ENPP1: variants seen among roughly 807,000 people sequenced by gnomAD.
The protein encoded by ENPP1 is ectonucleotide pyrophosphatase/phosphodiesterase family member 1.
A neutral mutation model predicts 122.8 loss-of-function variants in ENPP1; 73 were observed. That is an observed-to-expected ratio of 0.59 (90% CI 0.49 to 0.72). The LOEUF (loss-of-function observed/expected upper bound fraction) is 0.72, where lower values mean the gene tolerates loss of function less well. Ranked by LOEUF, ENPP1 falls within the 30% of genes least tolerant of loss-of-function variation. ENPP1 has a pLI of 0.00. For missense variants in ENPP1, 978 were observed against 1,128.1 expected (o/e 0.87, Z 1.91); for synonymous variants, 367 against 391.6 (o/e 0.94, Z 0.74).
chr6:131,890,198 AGAT>A, intron 24 of ENPP1, 140 bp from the exon 25 acceptor site: 1 of 711,104 alleles, frequency 1.4e-6, no homozygotes, highest in Non-Finnish European at 2.6e-6. Flanking sequence ...TCAAGAGGAG[AGAT>A]GATGCCTAAC....
intron 1 of ENPP1, among the ~76,000 whole-genome samples, chr6:131,822,396 G>A (rs936932620): frequency 2.0e-5 from 3 of 152,014 alleles, no homozygotes; most frequent in African/African-American, 7.3e-5. Context: ...ATGAGGAGTT[G>A]GATTAGATGG....
intron 18 of ENPP1, chr6:131,877,869 ATATATAT>A (rs1782254877): frequency 1.9e-4 from 10 of 52,852 alleles, no homozygotes; most frequent in South Asian, 7.3e-4. Context: ...AAAAAAAAAT[ATATATAT>A]ATATATATAT....
chr6:131,828,205 T>C (rs1781569247), intron 1 of ENPP1: 1 of 569,894 alleles, frequency 1.8e-6, no homozygotes, highest in Non-Finnish European at 3.4e-6. Flanking sequence ...GCTTTCAGGA[T>C]GTTCCAAGGC....
chr6:131,851,078 T>C, intron 3 of ENPP1, 64 bp from the exon 4 acceptor site: 1 of 1,576,734 alleles, frequency 6.3e-7, no homozygotes, highest in Non-Finnish European at 8.7e-7. Flanking sequence ...ACAGCAATTC[T>C]GTGTTCACTT....
intron 1 of ENPP1, chr6:131,820,183 A>G (rs1436464447): frequency 3.9e-6 from 1 of 256,936 alleles, no homozygotes; most frequent in Non-Finnish European, 7.6e-6. Context: ...AAGAATGTCC[A>G]TAATCATCTG....
intron 1 of ENPP1, chr6:131,827,068 G>A: frequency 1.6e-6 from 1 of 613,216 alleles, no homozygotes; most frequent in Non-Finnish European, 3.1e-6. Flanking sequence ...TTCACCTCCA[G>A]GGTCTGCTCC....
intron 1 of ENPP1, among the ~76,000 whole-genome samples, chr6:131,831,114 CA>C (rs3036850): frequency 1.9e-3 from 116 of 60,002 alleles, no homozygotes; most frequent in Non-Finnish European, 2.5e-3. Flanking sequence ...GCCCATCTCT[CA>C]AAAAAAAAAA....
intron 20 of ENPP1, 96 bp downstream of exon 20, chr6:131,880,130 T>C (rs1398214326): frequency 7.9e-7 from 1 of 1,267,868 alleles, no homozygotes; most frequent in Non-Finnish European, 1.2e-6. Context: ...CTTGGCTTTA[T>C]ACTCAGTTCC....
intron 12 of ENPP1, 120 bp from the exon 13 acceptor site, chr6:131,869,238 A>C: frequency 1.1e-6 from 1 of 893,878 alleles, no homozygotes; most frequent in South Asian, 1.4e-5. Flanking sequence ...ATCTTCAACT[A>C]ATATGAGTGC....
At chr6:131,842,642 G>A (rs572946194) in intron 1 of ENPP1, among the ~76,000 whole-genome samples, 2 of 152,034 alleles carry the variant, frequency 1.3e-5, no homozygotes, top group Non-Finnish European at 2.9e-5. Flanking sequence ...TCTCCACTGT[G>A]TTGTTAGTAT....
rs145643231 is a variant in ENPP1 at position 131,866,380 on chromosome 6, C to A, written c.1164+1442C>A. The stretch of plus-strand genomic sequence containing the variant: ...CAGACTAAAGCCTGGCCTGACATGT[C>A]TGTCATGGTCCCTGTTTTTGAGGGT... On this transcript the variant is annotated intron_variant, in intron 11 of 24. Transcript: ENST00000647893. 4.3e-3 allele frequency among the ~76,000 whole-genome samples: 661 copies of A among 152,328 alleles called. 9 individuals carry two copies. Among genetic ancestry groups the A allele is most frequent in the Admixed American group, 0.025 (389 of 15,310 alleles).
chr6:131,827,800 A>G, intron 1 of ENPP1: 1 of 969,588 alleles, frequency 1.0e-6, no homozygotes, highest in Non-Finnish European at 1.7e-6. Flanking sequence ...CAGGTGGGGC[A>G]ATGACTGCTT....
chr6:131,872,058 G>A lies in ENPP1; in HGVS notation c.1406-12G>A. The A allele has an allele frequency of 6.4e-7, 1 of 1,566,946 alleles. No homozygotes were observed. Among genetic ancestry groups the A allele is most frequent in the Non-Finnish European group, 8.8e-7 (1 of 1,140,488 alleles). On this transcript the variant is annotated splice_polypyrimidine_tract_variant and intron_variant, in intron 13 of 24. Transcript: ENST00000647893. The stretch of plus-strand genomic sequence containing the variant: ...CAATCAACTATTAATTCTTATGTTT[G>A]TTCCCCTCCAGTTAACTATGAAGGC...
intron 1 of ENPP1, among the ~76,000 whole-genome samples, chr6:131,812,517 T>C (rs1159166453): frequency 7.2e-5 from 11 of 152,216 alleles, no homozygotes; most frequent in Non-Finnish European, 1.6e-4. Flanking sequence ...CCTTAATTAA[T>C]TTAGAATTTT....
Position 131,875,838 on chromosome 6 carries a change from C to T in ENPP1, c.1698C>T (p.Asn566=), listed in dbSNP as rs1782224941. The T allele has an allele frequency of 6.2e-7, 1 of 1,613,658 alleles. No individual in the cohort carries two copies. The highest frequency in any genetic ancestry group is 1.7e-5 in the Admixed American group (1 of 59,988). ...KHGIEADTFE[N]IEVYNLMCDL... ...GCATTGAGGCTGACACCTTTGAAAA[C>T]ATTGAAGTCTATAACTTAATGTGTG... Residue 566 remains asparagine (N), a synonymous_variant, in exon 17 of 25, where the codon AAC becomes AAT. Transcript: ENST00000647893.
At chr6:131,867,923 CTTTCT>C in intron 11 of ENPP1, 90 bp from the exon 12 acceptor site, 3 of 851,832 alleles carry the variant, frequency 3.5e-6, no homozygotes, top group African/African-American at 1.7e-5. Context: ...TTCTTTGTTT[CTTTCT>C]TTTTTTTTTT....
chr6:131,874,978 A>T (rs191059596), intron 16 of ENPP1, among the ~76,000 whole-genome samples: 16 of 152,286 alleles, frequency 1.1e-4, no homozygotes, highest in Non-Finnish European at 2.2e-4. Context: ...TAAAAATCAC[A>T]TGTTCACTTG....
rs767540240 is a variant in ENPP1, at chr6:131,873,065, T to C, written c.1565+15T>C. ...CAACTTGCATTGTAAGTTCTGACAG[T>C]CTCCCAGGTAAACTTAGTCTGATCG... On this transcript the variant is annotated intron_variant, in intron 15 of 24. Transcript: ENST00000647893. The C allele has an allele frequency of 1.9e-6, 3 of 1,613,432 alleles. No homozygotes were observed. Among genetic ancestry groups the C allele is most frequent in the Admixed American group, 3.3e-5 (2 of 59,994 alleles).
chr6:131,890,817 G>C lies in ENPP1; in HGVS notation c.*306G>C, dbSNP rs915946571. ...TAAAGGAGAAGTAGCTGTGAACATT[G>C]TCTGGATACCAGATATTTGAATCTT... is the stretch of plus-strand genomic sequence containing the variant. On this transcript the variant is annotated 3_prime_UTR_variant, in exon 25 of 25. Coordinates refer to ENST00000647893, the MANE Select transcript of ENPP1 (RefSeq NM_006208.3). 2 of 376,804 alleles carry C rather than the reference G, an allele frequency of 5.3e-6. No homozygotes were observed. The highest frequency in any genetic ancestry group is 9.8e-6 in the Non-Finnish European group (2 of 203,910). 23.3% of individuals were successfully genotyped at this position (376,804 alleles called of 1,614,324 possible).
Sources: gnomAD v4.1 joint callset for allele counts (sites outside exome capture counted in the v4.1 genomes callset) on GRCh38, gnomAD v4.1.1 for gene constraint, MANE v1.5 for transcripts, NCBI Gene and HGNC (gene_info 2026-07-23, HGNC 2026-07-21) for gene names.